GRIP1: variants seen among roughly 807,000 people sequenced by gnomAD.
The protein encoded by GRIP1 is glutamate receptor-interacting protein 1.
A neutral mutation model predicts 129.9 loss-of-function variants in GRIP1; 45 were observed. The ratio of observed to expected loss-of-function variants is 0.35; its 90% confidence interval spans 0.27 to 0.44. The LOEUF (loss-of-function observed/expected upper bound fraction) is 0.44. GRIP1 is among the 20% of genes least tolerant of loss of function. GRIP1 has a pLI of 1.00. For synonymous variants in GRIP1, 530 were observed against 520.8 expected (o/e 1.02, Z -0.24); for missense variants, 1,196 against 1,396.8 (o/e 0.86, Z 2.29).
At chr12:66,962,806 T>C (rs899473349) in intron 1 of GRIP1, among the ~76,000 whole-genome samples, 1 of 152,172 alleles carries the variant, frequency 6.6e-6, no homozygotes, top group Non-Finnish European at 1.5e-5. Context: ...AAGTTTGTAA[T>C]CAGCAATACA....
chr12:66,447,998 C>G (rs1301298458), intron 11 of GRIP1, among the ~76,000 whole-genome samples: 3 of 152,230 alleles, frequency 2.0e-5, no homozygotes, highest in Admixed American at 6.5e-5. Flanking sequence ...TTGCCTCCCT[C>G]TGCATTTCAG....
chr12:66,545,967 A>G (rs2139262292), intron 2 of GRIP1, among the ~76,000 whole-genome samples: 1 of 152,328 alleles, frequency 6.6e-6, no homozygotes, highest in East Asian at 1.9e-4. Context: ...TTGGAGAGAC[A>G]AACATGTGCA....
intron 22 of GRIP1, among the ~76,000 whole-genome samples, chr12:66,372,572 A>G (rs1313395447): frequency 6.6e-6 from 1 of 152,240 alleles, no homozygotes; most frequent in African/African-American, 2.4e-5. Context: ...TAAGATCCTC[A>G]GAGAAAGTAA....
chr12:66,799,384 G>A (rs1247158958), intron 1 of GRIP1, among the ~76,000 whole-genome samples: 2 of 152,056 alleles, frequency 1.3e-5, no homozygotes, highest in East Asian at 1.9e-4. Context: ...ATTCATTCGG[G>A]ATTTTTTGAG....
chr12:66,366,664 T>C (rs2055164151), intron 23 of GRIP1, among the ~76,000 whole-genome samples: 1 of 152,140 alleles, frequency 6.6e-6, no homozygotes, highest in African/African-American at 2.4e-5. Flanking sequence ...CAAAAGGAAA[T>C]GTCAATATGA....
intron 2 of GRIP1, among the ~76,000 whole-genome samples, chr12:66,580,514 T>C (rs1047147081): frequency 2.6e-5 from 4 of 151,956 alleles, no homozygotes; most frequent in Non-Finnish European, 5.9e-5. Context: ...AGGAAACCCA[T>C]CTCACATGCA....
chr12:66,540,516 A>T (rs1272753122), intron 3 of GRIP1, among the ~76,000 whole-genome samples: 1 of 152,246 alleles, frequency 6.6e-6, no homozygotes, highest in African/African-American at 2.4e-5. Flanking sequence ...GTGTGGAAAG[A>T]TGCTTCTTAA....
At chr12:66,905,143 A>G (rs1334871547) in intron 1 of GRIP1, among the ~76,000 whole-genome samples, 1 of 152,232 alleles carries the variant, frequency 6.6e-6, no homozygotes. Context: ...AAATTGTAAT[A>G]TATAAACAAA....
chr12:66,388,650 G>C (rs1259096274), intron 19 of GRIP1, among the ~76,000 whole-genome samples: 3 of 152,236 alleles, frequency 2.0e-5, no homozygotes, highest in Admixed American at 2.0e-4. Flanking sequence ...AAGCTGACCT[G>C]GAGGCCAACT....
intron 23 of GRIP1, among the ~76,000 whole-genome samples, chr12:66,371,176 T>TG (rs11415571): frequency 3.3e-5 from 5 of 150,816 alleles, no homozygotes; most frequent in Non-Finnish European, 5.9e-5. Flanking sequence ...TTTTTTTTTT[T>TG]GGGACAGAGT....
At chr12:66,644,826 A>G (rs1365172888) in intron 1 of GRIP1, among the ~76,000 whole-genome samples, 3 of 152,220 alleles carry the variant, frequency 2.0e-5, no homozygotes, top group African/African-American at 7.2e-5. Flanking sequence ...ACAGCATACA[A>G]TACTATGGTA....
intron 2 of GRIP1, among the ~76,000 whole-genome samples, chr12:66,583,556 T>C (rs1371540377): frequency 1.5e-5 from 2 of 131,882 alleles, no homozygotes; most frequent in Non-Finnish European, 3.3e-5. Flanking sequence ...CAAACCAATT[T>C]ACAAGAAAAA....
intron 1 of GRIP1, among the ~76,000 whole-genome samples, chr12:66,800,380 G>T (rs1052483721): frequency 1.6e-4 from 24 of 152,186 alleles, no homozygotes; most frequent in African/African-American, 5.5e-4. Context: ...AGGTGTATAA[G>T]ATGCTAGCGC....
chr12:66,379,256 G>A, intron 20 of GRIP1, 24 bp downstream of exon 20: 1 of 1,610,650 alleles, frequency 6.2e-7, no homozygotes, highest in East Asian at 2.2e-5. Flanking sequence ...TCTTGGATGA[G>A]GCAGCATTGG....
intron 1 of GRIP1, among the ~76,000 whole-genome samples, chr12:66,933,066 T>C (rs12829393): frequency 0.21 from 31,437 of 152,184 alleles, 3,515 homozygotes; most frequent in South Asian, 0.26. Flanking sequence ...ATATGTGTAA[T>C]ATCTTTCAGC....
chr12:66,899,531 T>G (rs890147191), intron 1 of GRIP1, among the ~76,000 whole-genome samples: 1 of 152,064 alleles, frequency 6.6e-6, no homozygotes, highest in Non-Finnish European at 1.5e-5. Flanking sequence ...CCTGGCTATT[T>G]TTTTTTAATT....
intron 1 of GRIP1, among the ~76,000 whole-genome samples, chr12:66,952,140 G>T (rs938370433): frequency 2.0e-5 from 3 of 152,110 alleles, no homozygotes; most frequent in Non-Finnish European, 4.4e-5. Flanking sequence ...GAGGGGAAAA[G>T]AAAGAAGCAA....
At chr12:66,895,975 T>G (rs903398482) in intron 1 of GRIP1, among the ~76,000 whole-genome samples, 1 of 152,246 alleles carries the variant, frequency 6.6e-6, no homozygotes, top group Non-Finnish European at 1.5e-5. Flanking sequence ...CCAGTTCTGC[T>G]ATACTGGTAA....
intron 1 of GRIP1, among the ~76,000 whole-genome samples, chr12:66,750,731 C>T (rs904734082): frequency 2.0e-5 from 3 of 152,168 alleles, no homozygotes; most frequent in African/African-American, 7.2e-5. Flanking sequence ...GTGCCAAAGT[C>T]TCTACAGATC....
Sources: allele counts gnomAD v4.1 joint callset (sites outside exome capture counted in the v4.1 genomes callset), GRCh38; gene constraint gnomAD v4.1.1; transcripts MANE v1.5; gene names NCBI Gene and HGNC (gene_info 2026-07-23, HGNC 2026-07-21).